The following ZNF676 variants were observed in gnomAD, a reference collection of about 807,000 sequenced individuals.
The protein encoded by ZNF676 is zinc finger protein 676.
Under a neutral mutation model 6.0 loss-of-function variants are expected in ZNF676, and 4 were observed. That is an observed-to-expected ratio of 0.67 (90% CI 0.33 to 1.53). The LOEUF is 1.53. ZNF676 is among the 40% of genes most tolerant of loss of function. The pLI, the probability that ZNF676 is intolerant of heterozygous loss-of-function variation, is 0.06. For missense variants in ZNF676, 644 were observed against 679.7 expected (o/e 0.95, Z 0.58); for synonymous variants, 198 against 223.1 (o/e 0.89, Z 1.00).
upstream of ZNF676, among the ~76,000 whole-genome samples, chr19:22,216,945 A>AT (rs1238853108): frequency 6.6e-6 from 1 of 151,818 alleles, no homozygotes; most frequent in Non-Finnish European, 1.5e-5. Context: ...AAAAAAAAAA[A>AT]AAAAGCCAAA....
the ZNF676 span, among the ~76,000 whole-genome samples, chr19:22,230,643 A>T: frequency 6.7e-6 from 1 of 148,706 alleles, no homozygotes; most frequent in Admixed American, 6.8e-5. Flanking sequence ...GTATGTGTAC[A>T]TATATATGTA....
chr19:22,209,905 C>A (rs538297028), intron 1 of ZNF676, among the ~76,000 whole-genome samples: 14 of 152,236 alleles, frequency 9.2e-5, no homozygotes, highest in African/African-American at 3.1e-4. Flanking sequence ...CCACTAGGAT[C>A]AAAAATGCTG....
the ZNF676 span, among the ~76,000 whole-genome samples, chr19:22,227,920 A>G: frequency 6.6e-6 from 1 of 152,218 alleles, no homozygotes; most frequent in Non-Finnish European, 1.5e-5. Flanking sequence ...GCCATATTCT[A>G]CCACAGGTAC....
At chr19:22,230,521 G>A in the ZNF676 span, among the ~76,000 whole-genome samples, 7 of 151,296 alleles carry the variant, frequency 4.6e-5, no homozygotes, top group African/African-American at 1.7e-4. Context: ...AAAAAAGAAT[G>A]CTGAAGAGTT....
At chr19:22,205,138 A>C (rs1395109266) in intron 1 of ZNF676, among the ~76,000 whole-genome samples, 3 of 152,148 alleles carry the variant, frequency 2.0e-5, no homozygotes, top group Admixed American at 6.5e-5. Flanking sequence ...TATAAAAAAA[A>C]ACCATGGGTT....
At chr19:22,209,472 G>A (rs1406902447) in intron 1 of ZNF676, among the ~76,000 whole-genome samples, 1 of 151,992 alleles carries the variant, frequency 6.6e-6, no homozygotes, top group Admixed American at 6.6e-5. Context: ...TGAACACAGA[G>A]GGGAAAAAAG....
At chr19:22,182,608 C>CA (rs140776570) in intron 2 of ZNF676, among the ~76,000 whole-genome samples, 25,136 of 75,062 alleles carry the variant, frequency 0.33, 3,200 homozygotes, top group South Asian at 0.54. Context: ...AAAAAGCAAA[C>CA]AAAAAAAAGA....
the ZNF676 span, among the ~76,000 whole-genome samples, chr19:22,221,785 T>C: frequency 1.3e-5 from 2 of 152,070 alleles, no homozygotes; most frequent in East Asian, 1.9e-4. Flanking sequence ...TTTGGCCTAT[T>C]ATATGGTCTA....
upstream of ZNF676, among the ~76,000 whole-genome samples, chr19:22,198,438 G>A (rs2144780002): frequency 6.6e-6 from 1 of 152,284 alleles, no homozygotes; most frequent in African/African-American, 2.4e-5. Flanking sequence ...AGAAGTACAG[G>A]TTTGCAAGTA....
the ZNF676 span, among the ~76,000 whole-genome samples, chr19:22,248,338 T>C: frequency 6.6e-6 from 1 of 152,238 alleles, no homozygotes; most frequent in East Asian, 1.9e-4. Context: ...TCTATAATGG[T>C]TGAACTAGTT....
At chr19:22,203,454 A>ACT (rs1300465760) in intron 1 of ZNF676, 2 of 152,282 alleles carry the variant, frequency 1.3e-5, no homozygotes, top group Admixed American at 1.3e-4. Context: ...CTTAAGAAAA[A>ACT]ACTGAGATTA....
chr19:22,242,822 A>C, the ZNF676 span, among the ~76,000 whole-genome samples: 3 of 147,048 alleles, frequency 2.0e-5, no homozygotes, highest in African/African-American at 7.8e-5. Flanking sequence ...AGGCTAGATT[A>C]TATGTTGCAA....
At chr19:22,185,280 CT>C (rs1428264536) in intron 2 of ZNF676, among the ~76,000 whole-genome samples, 5 of 152,110 alleles carry the variant, frequency 3.3e-5, no homozygotes, top group Admixed American at 3.3e-4. Context: ...GGAGGCCTGA[CT>C]GTTAAAAGGA....
intron 1 of ZNF676, among the ~76,000 whole-genome samples, chr19:22,212,264 C>A (rs892051491): frequency 2.0e-5 from 3 of 150,970 alleles, no homozygotes; most frequent in Admixed American, 6.6e-5. Flanking sequence ...TAAATTCACT[C>A]TGAGAAAGAA....
chr19:22,212,899 G>A lies in ZNF676; in HGVS notation c.3+2733C>T, dbSNP rs139751932. ...AGTCCCAGCTACTTGGGAGGCTGCGGCAGAAGAATTGCTTTAATCCGGGAG... is the reference window on the plus strand; with the variant it reads ...AGTCCCAGCTACTTGGGAGGCTGCGACAGAAGAATTGCTTTAATCCGGGAG... On this transcript the variant is annotated intron_variant, in intron 1 of 3. Coordinates refer to the ZNF676 transcript ENST00000650058. 2.2e-3 allele frequency among the ~76,000 whole-genome samples: 331 copies of A among 151,988 alleles called. 2 individuals carry two copies. The highest frequency in any genetic ancestry group is 7.7e-3 in the African/African-American group (319 of 41,434).
exon 1 of ZNF676, chr19:22,215,742 T>C (rs566632205): frequency 2.2e-6 from 3 of 1,387,988 alleles, no homozygotes; most frequent in African/African-American, 1.5e-5. Flanking sequence ...ACAAGGCCTT[T>C]ACCTCCGGCT....
At chr19:22,234,542 T>C in the ZNF676 span, among the ~76,000 whole-genome samples, 1 of 152,140 alleles carries the variant, frequency 6.6e-6, no homozygotes, top group African/African-American at 2.4e-5. Context: ...TAAAACATAG[T>C]CAAACGTTCA....
the ZNF676 span, among the ~76,000 whole-genome samples, chr19:22,234,805 G>A: frequency 5.3e-5 from 8 of 152,026 alleles, no homozygotes; most frequent in African/African-American, 1.7e-4. Context: ...GTAGTGGTGG[G>A]TGCCTGTAAT....
chr19:22,220,030 G>A (rs1397961937), upstream of ZNF676, among the ~76,000 whole-genome samples: 3 of 152,136 alleles, frequency 2.0e-5, no homozygotes, highest in Admixed American at 2.0e-4. Flanking sequence ...ATCATAAAGT[G>A]ATGCTGGATT....
Sources: gnomAD v4.1 joint callset for allele counts (sites outside exome capture counted in the v4.1 genomes callset) on GRCh38, gnomAD v4.1.1 for gene constraint, MANE v1.5 for transcripts, NCBI Gene and HGNC (gene_info 2026-07-23, HGNC 2026-07-21) for gene names.